Variants in CDH13 observed in about 807,000 individuals in gnomAD.
CDH13 encodes the protein cadherin-13.
CDH13 carries 24 observed loss-of-function variants against 63.8 expected under a neutral mutation model. The ratio of observed to expected loss-of-function variants is 0.38; its 90% CI spans 0.27 to 0.53. The LOEUF is 0.53. Among genes scored for constraint, CDH13 ranks in the 20% least tolerant of loss-of-function variants. The probability of loss-of-function intolerance (pLI) is 0.85; values close to 1 mark genes in which losing one functional copy is unlikely to be tolerated. For missense variants in CDH13, 1,049 were observed against 903.1 expected (o/e 1.16, Z -2.07); for synonymous variants, 503 against 355.3 (o/e 1.42, Z -4.67).
intron 1 of CDH13, among the ~76,000 whole-genome samples, chr16:82,846,851 G>T (rs1337140048): frequency 6.6e-6 from 1 of 151,994 alleles, no homozygotes; most frequent in Non-Finnish European, 1.5e-5. Context: ...AGATCAAAAT[G>T]TCCCATAATT....
intron 8 of CDH13, among the ~76,000 whole-genome samples, chr16:83,663,862 G>T (rs1209166485): frequency 1.3e-5 from 2 of 152,070 alleles, no homozygotes; most frequent in Non-Finnish European, 2.9e-5. Context: ...ATTTTAATCA[G>T]ATAAAGAGAG....
chr16:83,171,302 A>G (rs1002338952), intron 4 of CDH13, among the ~76,000 whole-genome samples: 2 of 152,088 alleles, frequency 1.3e-5, no homozygotes, highest in South Asian at 2.1e-4. Flanking sequence ...TGAGAACTCT[A>G]TCATGAGAAC....
At chr16:83,031,828 A>C (rs764241217) in intron 2 of CDH13, among the ~76,000 whole-genome samples, 182 bp from the exon 3 acceptor site, 31 of 152,306 alleles carry the variant, frequency 2.0e-4, no homozygotes, top group Non-Finnish European at 3.7e-4. Flanking sequence ...GTCTTGATTG[A>C]GTGAAGTCCA....
At chr16:83,724,037 G>C (rs561003171) in intron 10 of CDH13, among the ~76,000 whole-genome samples, 1 of 151,796 alleles carries the variant, frequency 6.6e-6, no homozygotes, top group South Asian at 2.1e-4. Context: ...ATGAACGCAT[G>C]GGTGAGTGGT....
chr16:83,424,164 G>A (rs146232451), intron 6 of CDH13, among the ~76,000 whole-genome samples: 2,322 of 151,832 alleles, frequency 0.015, 68 homozygotes, highest in African/African-American at 0.053. Context: ...GAAAAGTCTA[G>A]AAGAGGGAAA....
intron 11 of CDH13, among the ~76,000 whole-genome samples, chr16:83,772,329 C>T (rs1015986056): frequency 1.3e-5 from 2 of 152,122 alleles, no homozygotes; most frequent in Non-Finnish European, 2.9e-5. Flanking sequence ...AGGCAGTAGG[C>T]TGGAAAGGAC....
At chr16:82,941,867 C>G (rs751638436) in intron 2 of CDH13, among the ~76,000 whole-genome samples, 1 of 152,118 alleles carries the variant, frequency 6.6e-6, no homozygotes, top group Admixed American at 6.5e-5. Flanking sequence ...AAGTTGTTCT[C>G]CAGAATATAA....
In CDH13 at chr16:83,352,556, A is replaced by T. The variant is rs374215800; in HGVS notation, c.781+7550A>T. ...ACGTATATTCATCACCACACCATACATACATACACACACACAATGGAATAC... is the reference window on the plus strand; with the variant it reads ...ACGTATATTCATCACCACACCATACTTACATACACACACACAATGGAATAC... On this transcript the variant is annotated intron_variant, in intron 6 of 13. Coordinates refer to ENST00000567109, the MANE Select transcript of CDH13 (RefSeq NM_001257.5). Among the ~76,000 whole-genome samples the T allele has an allele frequency of 5.3e-5, 8 of 152,336 alleles. No homozygotes were observed. The East Asian group carries it at 1.5e-3, about 29-fold the overall frequency.
intron 6 of CDH13, among the ~76,000 whole-genome samples, chr16:83,421,329 T>C (rs969122485): frequency 1.3e-5 from 2 of 152,212 alleles, no homozygotes; most frequent in African/African-American, 2.4e-5. Context: ...AATAAATAAA[T>C]GTAATTAATT....
chr16:82,999,593 AC>A (rs890365786), intron 2 of CDH13, among the ~76,000 whole-genome samples: 2 of 152,214 alleles, frequency 1.3e-5, no homozygotes, highest in Non-Finnish European at 2.9e-5. Context: ...TTTAAGCATG[AC>A]ACCAAAAGTT....
intron 1 of CDH13, among the ~76,000 whole-genome samples, chr16:82,793,689 C>G (rs1455001470): frequency 9.9e-5 from 15 of 152,130 alleles, no homozygotes; most frequent in Non-Finnish European, 2.1e-4. Flanking sequence ...AGCCTCCTTC[C>G]TCTTGTCTGT....
intron 7 of CDH13, among the ~76,000 whole-genome samples, chr16:83,598,827 A>G (rs1907510599): frequency 6.6e-6 from 1 of 152,210 alleles, no homozygotes; most frequent in African/African-American, 2.4e-5. Context: ...GGTGGCCACT[A>G]CTAGCTCCAG....
intron 10 of CDH13, among the ~76,000 whole-genome samples, chr16:83,738,646 G>T (rs1363325852): frequency 2.6e-5 from 4 of 152,178 alleles, no homozygotes; most frequent in Non-Finnish European, 4.4e-5. Flanking sequence ...GGTGGCTCAA[G>T]CCTGTAATCC....
intron 2 of CDH13, among the ~76,000 whole-genome samples, chr16:82,945,410 T>C (rs1331827535): frequency 2.6e-5 from 4 of 152,160 alleles, no homozygotes; most frequent in East Asian, 1.9e-4. Flanking sequence ...ACGAAATGGA[T>C]ATTAAGATGA....
intron 3 of CDH13, among the ~76,000 whole-genome samples, chr16:83,067,503 C>A (rs1343535946): frequency 6.6e-6 from 1 of 152,140 alleles, no homozygotes; most frequent in Non-Finnish European, 1.5e-5. Context: ...TGATAGGAAA[C>A]AAACGTACAA....
intron 7 of CDH13, among the ~76,000 whole-genome samples, chr16:83,513,841 C>T (rs1020011154): frequency 2.0e-5 from 3 of 152,044 alleles, no homozygotes; most frequent in Non-Finnish European, 4.4e-5. Context: ...CATAATAGGC[C>T]GCAGATCACC....
intron 7 of CDH13, among the ~76,000 whole-genome samples, chr16:83,522,365 C>A (rs1481103944): frequency 6.6e-6 from 1 of 152,090 alleles, no homozygotes; most frequent in African/African-American, 2.4e-5. Flanking sequence ...TATGGACTGT[C>A]AAAATTAACA....
chr16:83,269,012 C>G (rs1470954677), intron 5 of CDH13, among the ~76,000 whole-genome samples: 1 of 152,194 alleles, frequency 6.6e-6, no homozygotes, highest in African/African-American at 2.4e-5. Flanking sequence ...ACTTGCTCAG[C>G]CTTAGCTTCA....
At chr16:82,708,644 A>G (rs1328018071) in intron 1 of CDH13, among the ~76,000 whole-genome samples, 1 of 152,136 alleles carries the variant, frequency 6.6e-6, no homozygotes, top group Non-Finnish European at 1.5e-5. Context: ...TAAAGGGAAG[A>G]TCTGATTCGC....
Sources: allele counts gnomAD v4.1 joint callset (sites outside exome capture counted in the v4.1 genomes callset), GRCh38; gene constraint gnomAD v4.1.1; transcripts MANE v1.5; gene names NCBI Gene and HGNC (gene_info 2026-07-23, HGNC 2026-07-21).